Variants in PLEKHM3 observed in about 807,000 individuals in gnomAD.
PLEKHM3 encodes pleckstrin homology domain containing M3.
In PLEKHM3, 45 loss-of-function variants were observed where a neutral mutation model predicts 81.8. The ratio of observed to expected loss-of-function variants is 0.55; its 90% CI spans 0.43 to 0.71. The LOEUF (loss-of-function observed/expected upper bound fraction) is 0.71, where lower values mean the gene tolerates loss of function less well. Ranked by LOEUF, PLEKHM3 falls within the 30% of genes least tolerant of loss-of-function variation. The pLI is 0.00. For missense variants in PLEKHM3, 788 were observed against 924.3 expected, an observed-to-expected ratio of 0.85 and a Z score of 1.91; for synonymous variants, 352 against 356.4, an observed-to-expected ratio of 0.99 and a Z score of 0.14.
intron 7 of PLEKHM3, among the ~76,000 whole-genome samples, chr2:207,835,480 G>C (rs2092314193): frequency 6.6e-6 from 1 of 152,106 alleles, no homozygotes; most frequent in Non-Finnish European, 1.5e-5. Context: ...TGCAGGATTT[G>C]GGGGCCGGGG....
chr2:207,975,244 C>T (rs955405113), intron 3 of PLEKHM3, among the ~76,000 whole-genome samples: 2 of 152,190 alleles, frequency 1.3e-5, no homozygotes, highest in South Asian at 2.1e-4. Context: ...ACTCAGTCCT[C>T]ACTCTGGGTA....
At chr2:207,992,260 T>C (rs779977225) in intron 2 of PLEKHM3, among the ~76,000 whole-genome samples, 2 of 152,228 alleles carry the variant, frequency 1.3e-5, no homozygotes, top group Admixed American at 1.3e-4. Context: ...ACTAGCTGCA[T>C]AGGCTTGGAT....
intron 2 of PLEKHM3, among the ~76,000 whole-genome samples, chr2:207,990,344 C>T (rs971256119): frequency 6.6e-5 from 10 of 152,158 alleles, no homozygotes; most frequent in Admixed American, 2.0e-4. Flanking sequence ...CTCATACATA[C>T]GCTGTGTTCT....
At chr2:207,979,079 C>A (rs1386571860) in intron 2 of PLEKHM3, among the ~76,000 whole-genome samples, 2 of 152,212 alleles carry the variant, frequency 1.3e-5, no homozygotes, top group African/African-American at 2.4e-5. Context: ...ATGCTCAGCA[C>A]ATAGTAGGTA....
intron 7 of PLEKHM3, among the ~76,000 whole-genome samples, chr2:207,856,657 G>C (rs2092439110): frequency 1.3e-5 from 2 of 152,124 alleles, no homozygotes; most frequent in Admixed American, 1.3e-4. Flanking sequence ...CTTCTTTTGT[G>C]GCTGAATAAT....
chr2:208,009,845 T>A (rs151318668), intron 1 of PLEKHM3, among the ~76,000 whole-genome samples: 43 of 152,366 alleles, frequency 2.8e-4, no homozygotes, highest in African/African-American at 8.9e-4. Flanking sequence ...TATATTTGAA[T>A]TCCTTATAGG....
rs112724144 is a variant in PLEKHM3 at position 207,904,836 on chromosome 2, T to C, written c.1950+3678A>G. 4.0e-3 allele frequency among the ~76,000 whole-genome samples: 611 copies of C among 152,318 alleles called. 9 individuals are homozygous for C. The highest frequency in any genetic ancestry group is 0.017 in the Middle Eastern group (5 of 294). On this transcript the variant is annotated intron_variant, in intron 6 of 7. Transcript: ENST00000427836. ...GTTAAATTGAGTCTATCTGCTAAAA[T>C]TTTAGGCATTGTTACTTATAAACAT...
intron 6 of PLEKHM3, among the ~76,000 whole-genome samples, chr2:207,881,548 C>T (rs577083021): frequency 6.6e-5 from 10 of 152,314 alleles, no homozygotes; most frequent in African/African-American, 2.4e-4. Flanking sequence ...GCCATGCTGC[C>T]TGGAGCGTTA....
intron 6 of PLEKHM3, chr2:207,900,106 G>T (rs1454538774): frequency 6.6e-6 from 1 of 152,192 alleles, no homozygotes; most frequent in Non-Finnish European, 1.5e-5. Context: ...ACTCCAGGAA[G>T]GACACTGTGG....
chr2:207,930,822 T>C (rs931314663), intron 5 of PLEKHM3, 104 bp downstream of exon 5: 59 of 1,320,574 alleles, frequency 4.5e-5, no homozygotes, highest in Non-Finnish European at 1.5e-5. Flanking sequence ...GCCACAAAAT[T>C]AGAGGCGGTC....
chr2:207,977,615 G>T, intron 2 of PLEKHM3, 29 bp from the exon 3 acceptor site: 1 of 1,548,478 alleles, frequency 6.5e-7, no homozygotes, highest in Non-Finnish European at 8.7e-7. Context: ...GCAAAGTATT[G>T]ATTAGAATTA....
chr2:208,012,170 T>C (rs996488159), intron 1 of PLEKHM3, among the ~76,000 whole-genome samples: 1 of 152,114 alleles, frequency 6.6e-6, no homozygotes, highest in East Asian at 1.9e-4. Flanking sequence ...GCCTCCCGAG[T>C]AGCTGGGACT....
intron 6 of PLEKHM3, among the ~76,000 whole-genome samples, chr2:207,878,688 G>C (rs2105844888): frequency 6.6e-6 from 1 of 152,278 alleles, no homozygotes; most frequent in East Asian, 1.9e-4. Flanking sequence ...CCAATTCATA[G>C]GGGATAAAAC....
chr2:207,986,775 A>T (rs1180262576), intron 2 of PLEKHM3, among the ~76,000 whole-genome samples: 2 of 149,668 alleles, frequency 1.3e-5, no homozygotes, highest in African/African-American at 4.9e-5. Context: ...GGCTCAAGGG[A>T]TCCTTCCACC....
At chr2:207,938,404 T>C (rs1689828506) in intron 4 of PLEKHM3, among the ~76,000 whole-genome samples, 2 of 152,216 alleles carry the variant, frequency 1.3e-5, no homozygotes, top group South Asian at 2.1e-4. Context: ...ATGCTTAAGA[T>C]GACAGATTTC....
chr2:207,858,174 G>GTGTATATATA lies in PLEKHM3; in HGVS notation c.2108+2930_2108+2931insTATATATACA, dbSNP rs373920637. Reference sequence around the variant, plus strand: ...TGTGTGTGTGTGTGTGTGTGTGTGTGTATATATTTTTTTTTTTGAGATGAA... The same window carrying GTGTATATATA: ...TGTGTGTGTGTGTGTGTGTGTGTGTGTGTATATATATATATATTTTTTTTTTTGAGATGAA... On this transcript the variant is annotated intron_variant, in intron 7 of 7. Transcript: ENST00000427836. 3.3e-3 allele frequency among the ~76,000 whole-genome samples: 406 copies of GTGTATATATA among 123,288 alleles called. 3 individuals carry two copies. The highest frequency in any genetic ancestry group is 0.013 in the African/African-American group (380 of 28,360). 80.9% of individuals were successfully genotyped at this position (123,288 alleles called of 152,430 possible).
At chr2:207,836,936 G>A (rs1406750122) in intron 7 of PLEKHM3, among the ~76,000 whole-genome samples, 3 of 152,206 alleles carry the variant, frequency 2.0e-5, no homozygotes, top group Non-Finnish European at 2.9e-5. Context: ...AGCCCACAAC[G>A]AATGGGGTGG....
chr2:207,953,169 T>C (rs201895297), intron 3 of PLEKHM3, among the ~76,000 whole-genome samples: 2,882 of 152,296 alleles, frequency 0.019, 93 homozygotes, highest in African/African-American at 0.065. Context: ...GCGGATAGTA[T>C]GGCATGCAGC....
chr2:207,960,441 A>G (rs1690689952), intron 3 of PLEKHM3, among the ~76,000 whole-genome samples: 1 of 152,226 alleles, frequency 6.6e-6, no homozygotes. Flanking sequence ...CATGCCCTTC[A>G]GGACTCCAGC....
Sources: allele counts gnomAD v4.1 joint callset (sites outside exome capture counted in the v4.1 genomes callset), GRCh38; gene constraint gnomAD v4.1.1; transcripts MANE v1.5; gene names NCBI Gene and HGNC (gene_info 2026-07-23, HGNC 2026-07-21).